GALNTL6: variants seen among roughly 807,000 people sequenced by gnomAD.
GALNTL6 encodes polypeptide N-acetylgalactosaminyltransferase like 6.
In GALNTL6, 46 loss-of-function variants were observed where a neutral mutation model predicts 73.7. That is an observed-to-expected ratio of 0.62 (90% CI 0.49 to 0.80). The LOEUF (loss-of-function observed/expected upper bound fraction) is 0.80, where lower values mean the gene tolerates loss of function less well. GALNTL6 is among the 30% of genes least tolerant of loss of function. The probability of loss-of-function intolerance (pLI) is 0.00; values close to 1 mark genes in which losing one functional copy is unlikely to be tolerated. For synonymous variants in GALNTL6, 259 were observed against 263.7 expected, an observed-to-expected ratio of 0.98 and a Z score of 0.17; for missense variants, 604 against 755.0, an observed-to-expected ratio of 0.80 and a Z score of 2.34.
At chr4:172,275,148 G>A (rs34388445) in intron 3 of GALNTL6, among the ~76,000 whole-genome samples, 166 of 152,272 alleles carry the variant, frequency 1.1e-3, no homozygotes, top group African/African-American at 3.8e-3. Flanking sequence ...CCTTTTGAGA[G>A]TTACAAATAA....
intron 5 of GALNTL6, among the ~76,000 whole-genome samples, chr4:172,684,604 A>G (rs1261879990): frequency 2.0e-5 from 3 of 152,324 alleles, no homozygotes; most frequent in African/African-American, 7.2e-5. Flanking sequence ...AAGAAACTGG[A>G]TGGGTAGTAC....
intron 8 of GALNTL6, among the ~76,000 whole-genome samples, chr4:172,887,210 A>C (rs1308162897): frequency 6.6e-6 from 1 of 152,230 alleles, no homozygotes; most frequent in Non-Finnish European, 1.5e-5. Context: ...TATATGTACC[A>C]CATTATCATA....
chr4:172,337,731 G>T (rs1347453828), intron 4 of GALNTL6, among the ~76,000 whole-genome samples: 1 of 142,962 alleles, frequency 7.0e-6, no homozygotes, highest in African/African-American at 2.6e-5. Context: ...ACCTTGATCA[G>T]TCTGGTGATT....
chr4:172,032,123 A>G (rs1459730006), intron 2 of GALNTL6, among the ~76,000 whole-genome samples: 1 of 152,152 alleles, frequency 6.6e-6, no homozygotes, highest in Non-Finnish European at 1.5e-5. Context: ...ATTTTTACTA[A>G]TGAACTAATG....
chr4:173,012,254 C>T (rs185467951), intron 11 of GALNTL6, among the ~76,000 whole-genome samples: 3 of 152,290 alleles, frequency 2.0e-5, no homozygotes, highest in African/African-American at 4.8e-5. Context: ...CCATCTTGTA[C>T]ATTAAACTAG....
chr4:172,871,595 G>T (rs571510247), intron 7 of GALNTL6, among the ~76,000 whole-genome samples: 45 of 124,694 alleles, frequency 3.6e-4, no homozygotes, highest in Admixed American at 3.0e-3. Flanking sequence ...CTCTGGGGGG[G>T]GTGTGTGTGT....
chr4:172,229,248 G>A lies in GALNTL6; in HGVS notation c.139-408G>A, dbSNP rs543014693. Among the ~76,000 whole-genome samples the A allele has an allele frequency of 7.9e-5, 12 of 152,226 alleles. No homozygotes were observed. In the South Asian group the frequency reaches 1.9e-3, roughly 24 times the overall value. Reference sequence around the variant, plus strand: ...TGGTTGCTAATGTTACTACAAAGCCGTTCAGATATGTTTGATCAAAATAAA... The same window carrying A: ...TGGTTGCTAATGTTACTACAAAGCCATTCAGATATGTTTGATCAAAATAAA... On this transcript the variant is annotated intron_variant, in intron 2 of 12. Coordinates refer to ENST00000506823, the MANE Select transcript of GALNTL6 (RefSeq NM_001034845.3).
intron 2 of GALNTL6, among the ~76,000 whole-genome samples, chr4:172,214,776 G>T (rs867493640): frequency 6.6e-6 from 1 of 152,050 alleles, no homozygotes; most frequent in African/African-American, 2.4e-5. Flanking sequence ...GCCTCTCAAA[G>T]TGCTGGAATA....
At chr4:171,905,014 C>T (rs555500486) in intron 2 of GALNTL6, among the ~76,000 whole-genome samples, 3 of 152,132 alleles carry the variant, frequency 2.0e-5, no homozygotes, top group Non-Finnish European at 4.4e-5. Flanking sequence ...TGGAAAGGAA[C>T]AACCGATACG....
chr4:173,036,992 G>A (rs1266674485), intron 12 of GALNTL6, among the ~76,000 whole-genome samples: 1 of 152,194 alleles, frequency 6.6e-6, no homozygotes, highest in Non-Finnish European at 1.5e-5. Flanking sequence ...AAAAGCACCA[G>A]GAAAGACAAT....
At chr4:172,048,568 T>G (rs1742282194) in intron 2 of GALNTL6, among the ~76,000 whole-genome samples, 1 of 152,126 alleles carries the variant, frequency 6.6e-6, no homozygotes, top group Non-Finnish European at 1.5e-5. Context: ...ATGGACCATT[T>G]CCCATGAACT....
At chr4:172,946,707 T>G (rs1749181996) in intron 9 of GALNTL6, among the ~76,000 whole-genome samples, 1 of 152,174 alleles carries the variant, frequency 6.6e-6, no homozygotes, top group Admixed American at 6.5e-5. Context: ...AAAGAGAGAT[T>G]AATGCCAGTT....
At chr4:172,920,887 T>C (rs1204229939) in intron 8 of GALNTL6, among the ~76,000 whole-genome samples, 1 of 152,196 alleles carries the variant, frequency 6.6e-6, no homozygotes, top group African/African-American at 2.4e-5. Flanking sequence ...GTGCTTAGGA[T>C]ACATCACTTA....
At chr4:171,923,786 CTGTGTG>C (rs563244976) in intron 2 of GALNTL6, among the ~76,000 whole-genome samples, 2,175 of 133,270 alleles carry the variant, frequency 0.016, 26 homozygotes, top group South Asian at 0.034. Flanking sequence ...AAAAGTATTG[CTGTGTG>C]TGTGTGTGTG....
chr4:171,915,674 T>TA (rs1294039816), intron 2 of GALNTL6, among the ~76,000 whole-genome samples: 6 of 152,132 alleles, frequency 3.9e-5, no homozygotes, highest in African/African-American at 1.4e-4. Context: ...AAAGTATTGT[T>TA]AAAACAAAAA....
chr4:172,700,733 C>T (rs1444156049), intron 5 of GALNTL6, among the ~76,000 whole-genome samples: 3 of 152,176 alleles, frequency 2.0e-5, no homozygotes, highest in Admixed American at 1.3e-4. Flanking sequence ...GTCAATCGCT[C>T]ACCCCTGTTA....
At chr4:172,519,473 A>G (rs1448214268) in intron 5 of GALNTL6, among the ~76,000 whole-genome samples, 8 of 150,194 alleles carry the variant, frequency 5.3e-5, no homozygotes, top group African/African-American at 1.5e-4. Context: ...ATGAAAATCA[A>G]TTACCTGAAT....
intron 2 of GALNTL6, among the ~76,000 whole-genome samples, chr4:172,205,653 T>C (rs1165093740): frequency 6.6e-6 from 1 of 152,164 alleles, no homozygotes; most frequent in African/African-American, 2.4e-5. Flanking sequence ...CTGAAGAGCA[T>C]AGGCAGTGTT....
At chr4:172,897,939 C>T (rs2111231220) in intron 8 of GALNTL6, among the ~76,000 whole-genome samples, 1 of 152,282 alleles carries the variant, frequency 6.6e-6, no homozygotes, top group South Asian at 2.1e-4. Flanking sequence ...TTCAAGCTTT[C>T]ATTTGCAGGG....
Sources: allele counts gnomAD v4.1 joint callset (sites outside exome capture counted in the v4.1 genomes callset), GRCh38; gene constraint gnomAD v4.1.1; transcripts MANE v1.5; gene names NCBI Gene and HGNC (gene_info 2026-07-23, HGNC 2026-07-21).